Variants in GAP43 observed in about 807,000 individuals in gnomAD.
GAP43 encodes neuromodulin.
GAP43 carries 6 observed loss-of-function variants against 18.6 expected under a neutral mutation model. That is an observed-to-expected ratio of 0.32 (90% CI 0.18 to 0.64). GAP43 has a LOEUF of 0.64. GAP43 is among the 30% of genes least tolerant of loss of function. The probability of loss-of-function intolerance (pLI) is 0.78; values close to 1 mark genes in which losing one functional copy is unlikely to be tolerated. For synonymous variants in GAP43, 115 were observed against 111.4 expected (o/e 1.03, Z -0.20); for missense variants, 292 against 295.5 (o/e 0.99, Z 0.09).
In GAP43 at chr3:115,716,742, A is replaced by G. The variant is rs1577004999; in HGVS notation, c.629-4052A>G. Among the ~76,000 whole-genome samples the G allele has an allele frequency of 1.7e-5, 2 of 117,954 alleles. 1 individual carries two copies. The highest frequency in any genetic ancestry group is 3.5e-5 in the Non-Finnish European group (2 of 56,980). The allele number at this position is 117,954 out of a possible 152,430, so 77.4% of individuals were successfully genotyped here. ...AATATATATATATATATATATATATATATATATATATATATATATATATAT... is the reference window on the plus strand; with the variant it reads ...AATATATATATATATATATATATATGTATATATATATATATATATATATAT... On this transcript the variant is annotated intron_variant, in intron 2 of 2. Transcript: ENST00000305124.
In GAP43 at chr3:115,676,035, A is replaced by G; in HGVS notation, c.53A>G (p.Gln18Arg). ...TKQVEKNDDDQKIEQDGIKPE... is the reference protein window; with the variant it reads ...TKQVEKNDDDRKIEQDGIKPE... ...AAGGTTGAAAAAAATGATGACGACC[A>G]AAAGATTGAACAAGATGGTATCAAA... Residue 18 changes from glutamine to arginine, a missense_variant, in exon 2 of 3, where the codon CAA (glutamine) becomes CGA (arginine). Coordinates refer to ENST00000305124, the MANE Select transcript of GAP43 (RefSeq NM_002045.4). 1 of 1,603,972 alleles carries G rather than the reference A, an allele frequency of 6.2e-7. No homozygotes were observed. Among genetic ancestry groups the G allele is most frequent in the East Asian group, 2.2e-5 (1 of 44,800 alleles).
chr3:115,627,999 C>T (rs927994851), intron 1 of GAP43, among the ~76,000 whole-genome samples: 3 of 152,134 alleles, frequency 2.0e-5, no homozygotes, highest in East Asian at 1.9e-4. Flanking sequence ...AAAAACCAGA[C>T]ACAAATGAAC....
At chr3:115,670,072 TG>T (rs530778768) in intron 1 of GAP43, among the ~76,000 whole-genome samples, 5,899 of 137,600 alleles carry the variant, frequency 0.043, 333 homozygotes, top group African/African-American at 0.12. Context: ...TGTATACATG[TG>T]CCATGCTGGT....
At chr3:115,652,318 C>G (rs905801802) in intron 1 of GAP43, among the ~76,000 whole-genome samples, 1 of 127,814 alleles carries the variant, frequency 7.8e-6, no homozygotes, top group Non-Finnish European at 1.6e-5. Context: ...TTCTACATCT[C>G]TATATTCCTG....
chr3:115,681,984 T>A (rs1708962766), intron 2 of GAP43, among the ~76,000 whole-genome samples: 1 of 152,176 alleles, frequency 6.6e-6, no homozygotes, highest in Non-Finnish European at 1.5e-5. Flanking sequence ...AGGAGAGGAA[T>A]GTCTAAGGAC....
At chr3:115,677,042 C>A (rs1193417159) in intron 2 of GAP43, among the ~76,000 whole-genome samples, 1 of 152,094 alleles carries the variant, frequency 6.6e-6, no homozygotes, top group Non-Finnish European at 1.5e-5. Flanking sequence ...TAAATACAGC[C>A]ATCCTCTTCT....
intron 2 of GAP43, among the ~76,000 whole-genome samples, chr3:115,704,024 A>T (rs990637914): frequency 3.9e-5 from 6 of 152,136 alleles, no homozygotes; most frequent in Non-Finnish European, 8.8e-5. Flanking sequence ...AAGCAGCACC[A>T]TAATTTGACA....
In GAP43 at chr3:115,720,994, G is replaced by T; in HGVS notation, c.*112G>T. 1 of 515,702 alleles carries T rather than the reference G, an allele frequency of 1.9e-6. No individual in the cohort carries two copies. The highest frequency in any genetic ancestry group is 3.5e-6 in the Non-Finnish European group (1 of 287,864). 31.9% of individuals were successfully genotyped at this position (515,702 alleles called of 1,614,324 possible). On this transcript the variant is annotated 3_prime_UTR_variant, in exon 3 of 3. Coordinates refer to ENST00000305124, the MANE Select transcript of GAP43 (RefSeq NM_002045.4). ...CCCTTCCTGTCCTGCTCACGTCTGTGAGTCTGTCCTTTCCCACCCACTAGC... is the reference window on the plus strand; with the variant it reads ...CCCTTCCTGTCCTGCTCACGTCTGTTAGTCTGTCCTTTCCCACCCACTAGC...
At chr3:115,708,396 G>T (rs1377412007) in intron 2 of GAP43, among the ~76,000 whole-genome samples, 2 of 152,188 alleles carry the variant, frequency 1.3e-5, no homozygotes, top group Non-Finnish European at 2.9e-5. Flanking sequence ...TGGCTGGTCT[G>T]CCTCCCAACT....
chr3:115,683,376 G>A (rs1015193048), intron 2 of GAP43, among the ~76,000 whole-genome samples: 1 of 152,144 alleles, frequency 6.6e-6, no homozygotes, highest in Non-Finnish European at 1.5e-5. Context: ...TCAATTCTAA[G>A]AAAGTTTATT....
intron 2 of GAP43, among the ~76,000 whole-genome samples, chr3:115,690,151 A>G (rs1052839017): frequency 2.6e-5 from 4 of 152,212 alleles, no homozygotes; most frequent in Non-Finnish European, 5.9e-5. Context: ...GGGTTCCTTG[A>G]CAAATGGATT....
At chr3:115,684,395 C>T (rs1006917940) in intron 2 of GAP43, among the ~76,000 whole-genome samples, 1 of 152,096 alleles carries the variant, frequency 6.6e-6, no homozygotes, top group East Asian at 1.9e-4. Context: ...GTTCTCTTCC[C>T]TGGTGTATGA....
At chr3:115,626,655 C>A (rs191572397) in intron 1 of GAP43, among the ~76,000 whole-genome samples, 4 of 152,224 alleles carry the variant, frequency 2.6e-5, no homozygotes, top group Admixed American at 2.0e-4. Flanking sequence ...TTTATGTCTA[C>A]AAAGCAAGAA....
chr3:115,654,942 C>T (rs1708562034), intron 1 of GAP43, among the ~76,000 whole-genome samples: 1 of 152,120 alleles, frequency 6.6e-6, no homozygotes. Flanking sequence ...GGGCATCTAG[C>T]AGGGAAGTCC....
chr3:115,654,892 C>G (rs1708561662), intron 1 of GAP43, among the ~76,000 whole-genome samples: 1 of 152,082 alleles, frequency 6.6e-6, no homozygotes, highest in African/African-American at 2.4e-5. Context: ...CTGTCTATTA[C>G]TGAGTGAGGT....
intron 1 of GAP43, among the ~76,000 whole-genome samples, chr3:115,640,708 G>C (rs17760241): frequency 0.012 from 1,788 of 152,084 alleles, 22 homozygotes; most frequent in Non-Finnish European, 0.017. Flanking sequence ...AAATTCTCTG[G>C]AACTAAGAAA....
chr3:115,696,068 T>C (rs1576997319), intron 2 of GAP43, among the ~76,000 whole-genome samples: 1 of 152,198 alleles, frequency 6.6e-6, no homozygotes, highest in East Asian at 1.9e-4. Context: ...TCTCTCTCTC[T>C]TTTTTTATTT....
At chr3:115,624,254 T>TAA (rs1708155319) in intron 1 of GAP43, among the ~76,000 whole-genome samples, 2 of 152,096 alleles carry the variant, frequency 1.3e-5, no homozygotes, top group Admixed American at 1.3e-4. Context: ...GTCTTATTTA[T>TAA]TTAGTATTTA....
At chr3:115,715,657 A>G (rs1282484623) in intron 2 of GAP43, among the ~76,000 whole-genome samples, 1 of 152,252 alleles carries the variant, frequency 6.6e-6, no homozygotes, top group Non-Finnish European at 1.5e-5. Flanking sequence ...CATCTCTAGC[A>G]TTTACAAATC....
Sources: allele counts gnomAD v4.1 joint callset (sites outside exome capture counted in the v4.1 genomes callset), GRCh38; gene constraint gnomAD v4.1.1; transcripts MANE v1.5; gene names NCBI Gene and HGNC (gene_info 2026-07-23, HGNC 2026-07-21).